CCT4: variants seen among roughly 807,000 people sequenced by gnomAD.
CCT4 encodes the protein T-complex protein 1 subunit delta.
A neutral mutation model predicts 62.5 loss-of-function variants in CCT4; 17 were observed. That is an observed-to-expected ratio of 0.27 (90% confidence interval 0.19 to 0.41). The LOEUF (loss-of-function observed/expected upper bound fraction) is 0.41. Among genes scored for constraint, CCT4 ranks in the 10% least tolerant of loss-of-function variants. The pLI is 1.00. For missense variants in CCT4, 592 were observed against 659.2 expected (o/e 0.90, Z 1.12); for synonymous variants, 250 against 229.9 (o/e 1.09, Z -0.79).
intron 5 of CCT4, among the ~76,000 whole-genome samples, chr2:61,878,403 G>C (rs1207975067): frequency 6.6e-6 from 1 of 152,116 alleles, no homozygotes. Context: ...GCGGTCCTTG[G>C]ATAAGTTACT....
In CCT4 at chr2:61,888,590, C is replaced by T. The variant is rs1572931444; in HGVS notation, c.-83G>A. On this transcript the variant is annotated 5_prime_UTR_variant, in exon 1 of 14. Coordinates refer to ENST00000394440, the MANE Select transcript of CCT4 (RefSeq NM_006430.4). ...CCGGCCGCAGTGTAATAACGGTAAG[C>T]CCTCACTGCCTTCACGAACCTTCCA... 7 of 1,473,562 alleles carry T rather than the reference C, an allele frequency of 4.8e-6. No homozygotes were observed. The East Asian group carries it at 1.2e-4, about 25-fold the overall frequency. 91.3% of individuals were successfully genotyped at this position (1,473,562 alleles called of 1,614,324 possible).
chr2:61,887,987 TAAG>T (rs1165215897), intron 1 of CCT4: 1 of 159,452 alleles, frequency 6.3e-6, no homozygotes, highest in East Asian at 1.7e-4. Flanking sequence ...GTTCTTTAAA[TAAG>T]AATAACAAAG....
rs757272069 is a variant in CCT4, at chr2:61,883,452, C to T, written c.270+7G>A. 6 of 1,189,774 alleles carry T rather than the reference C, an allele frequency of 5.0e-6. No homozygotes were observed. In the South Asian group the frequency reaches 6.6e-5, roughly 13 times the overall value. 73.7% of individuals were successfully genotyped at this position (1,189,774 alleles called of 1,614,324 possible). A position where few individuals can be genotyped will look rare whatever the true frequency, so the allele number is the denominator to read the frequency against. On this transcript the variant is annotated splice_region_variant and intron_variant, in intron 3 of 13. Transcript: ENST00000394440. Reference sequence around the variant, plus strand: ...AAAAAAAAAGACTCACCTAAAATTACACTTACCATTCTGGCTGCTGGATGT... The same window carrying T: ...AAAAAAAAAGACTCACCTAAAATTATACTTACCATTCTGGCTGCTGGATGT...
Position 61,875,101 on chromosome 2 carries a change from C to CA in CCT4, c.917+993dup, listed in dbSNP as rs1177830593. On this transcript the variant is annotated intron_variant, in intron 8 of 13. Transcript: ENST00000394440. ...GGGTTGTGGTGAACCGAGATCGCAC[C>CA]ATTGATTCCAGCCTGGGCAACAAGA... Among the ~76,000 whole-genome samples, 4 of 149,534 alleles carry CA rather than the reference C, an allele frequency of 2.7e-5. No homozygotes were observed. The East Asian group carries it at 7.9e-4, about 30-fold the overall frequency.
chr2:61,876,280 A>C (rs1273204499), intron 7 of CCT4, 46 bp from the exon 8 acceptor site: 6 of 1,460,244 alleles, frequency 4.1e-6, no homozygotes, highest in Non-Finnish European at 4.6e-6. Context: ...AGATATTTTA[A>C]GTTTAAAAGT....
In CCT4 at chr2:61,876,955, G is replaced by A; in HGVS notation, c.742C>T (p.Leu248Phe). 1 of 1,613,772 alleles carries A rather than the reference G, an allele frequency of 6.2e-7. No individual in the cohort carries two copies. The highest frequency in any genetic ancestry group is 8.5e-7 in the Non-Finnish European group (1 of 1,179,842). The change falls in exon 7 of 14, where the codon CTT (leucine) becomes TTT (phenylalanine). Residue 248 changes from leucine to phenylalanine, a missense_variant. Physicochemically the swap from Leu to Phe is conservative, Grantham distance 22. Transcript: ENST00000394440. ...GGAGCAGATAAGCAAAACTGAATAA[G>A]CCCAATCTTGGCCTTTTCAACTCTG... Reference protein sequence around the residue: ...ITRVEKAKIGLIQFCLSAPKT... With the variant: ...ITRVEKAKIGFIQFCLSAPKT...
At chr2:61,877,573 T>A in intron 5 of CCT4, 59 bp from the exon 6 acceptor site, 1 of 1,317,132 alleles carries the variant, frequency 7.6e-7, no homozygotes, top group Admixed American at 2.9e-5. Flanking sequence ...TCCTAATTTT[T>A]CAATGACAAA....
chr2:61,868,802 A>T, intron 13 of CCT4, 96 bp from the exon 14 acceptor site: 1 of 869,986 alleles, frequency 1.1e-6, no homozygotes, highest in Non-Finnish European at 1.9e-6. Context: ...AACCTGTATT[A>T]AGAACTGCTG....
At chr2:61,873,354 G>A in intron 8 of CCT4, 61 bp from the exon 9 acceptor site, 1 of 781,306 alleles carries the variant, frequency 1.3e-6, no homozygotes, top group African/African-American at 1.7e-5. Flanking sequence ...CTCTTCAAAT[G>A]CCTTTAAGGT....
Position 61,880,174 on chromosome 2 carries a change from A to T in CCT4, c.379+112T>A, listed in dbSNP as rs544168701. On this transcript the variant is annotated intron_variant, in intron 4 of 13. Coordinates refer to ENST00000394440, the MANE Select transcript of CCT4 (RefSeq NM_006430.4). ...TTTAAAAATTCTTGGTAAAAAGATTAGTTATTCCAAATTAAATCTTCAATC... is the reference window on the plus strand; with the variant it reads ...TTTAAAAATTCTTGGTAAAAAGATTTGTTATTCCAAATTAAATCTTCAATC... 383 of 511,464 alleles carry T rather than the reference A, an allele frequency of 7.5e-4. 1 individual carries two copies. The highest frequency in any genetic ancestry group is 2.8e-3 in the Middle Eastern group (6 of 2,166). The allele number at this position is 511,464 out of a possible 1,614,324, so 31.7% of individuals were successfully genotyped here. A position where few individuals can be genotyped will look rare whatever the true frequency, so the allele number is the denominator to read the frequency against.
intron 2 of CCT4, among the ~76,000 whole-genome samples, chr2:61,884,374 G>A (rs899958822): frequency 3.3e-5 from 5 of 152,048 alleles, no homozygotes; most frequent in African/African-American, 9.7e-5. Flanking sequence ...CGCGATCTCG[G>A]CTCACTGCAA....
At chr2:61,886,102 A>C (rs1336855489) in intron 1 of CCT4, 2 of 152,354 alleles carry the variant, frequency 1.3e-5, no homozygotes, top group East Asian at 3.9e-4. Context: ...GCTACAGAGC[A>C]AGATACTCTT....
intron 3 of CCT4, among the ~76,000 whole-genome samples, chr2:61,882,029 G>T (rs953644289): frequency 2.6e-5 from 4 of 151,656 alleles, no homozygotes; most frequent in Non-Finnish European, 5.9e-5. Context: ...TGCCTCCCCG[G>T]TTCAAGCAAT....
Position 61,868,611 on chromosome 2 carries a change from C to T in CCT4, c.*81G>A. 2 of 1,095,030 alleles carry T rather than the reference C, an allele frequency of 1.8e-6. No individual in the cohort carries two copies. Among genetic ancestry groups the T allele is most frequent in the Admixed American group, 3.6e-5 (2 of 55,886 alleles). 67.8% of individuals were successfully genotyped at this position (1,095,030 alleles called of 1,614,324 possible). ...CAGAAATTCAGAGGAAATAATCTTC[C>T]AAACAAGGAACACCAAGGTGATCTT... On this transcript the variant is annotated 3_prime_UTR_variant, in exon 14 of 14. Coordinates refer to ENST00000394440, the MANE Select transcript of CCT4 (RefSeq NM_006430.4).
chr2:61,875,299 C>T (rs920707288), intron 8 of CCT4, among the ~76,000 whole-genome samples: 10 of 151,794 alleles, frequency 6.6e-5, no homozygotes, highest in African/African-American at 2.2e-4. Context: ...CTCTTAGAGG[C>T]TGGGTGCGGT....
Position 61,888,621 on chromosome 2 carries a change from C to A in CCT4, c.-114G>T. Reference sequence around the variant, plus strand: ...CTGCCTTCACGAACCTTCCAGAAAGCGGCGCCGGCGTCGGGAGGAGGCGGA... The same window carrying A: ...CTGCCTTCACGAACCTTCCAGAAAGAGGCGCCGGCGTCGGGAGGAGGCGGA... On this transcript the variant is annotated 5_prime_UTR_variant, in exon 1 of 14. Coordinates refer to ENST00000394440, the MANE Select transcript of CCT4 (RefSeq NM_006430.4). 7.7e-7 allele frequency: 1 copy of A among 1,294,818 alleles called. No homozygotes were observed. Among genetic ancestry groups the A allele is most frequent in the Non-Finnish European group, 1.0e-6 (1 of 971,274 alleles). 80.2% of individuals were successfully genotyped at this position (1,294,818 alleles called of 1,614,324 possible).
At chr2:61,877,931 G>C (rs1394543699) in intron 5 of CCT4, among the ~76,000 whole-genome samples, 1 of 152,168 alleles carries the variant, frequency 6.6e-6, no homozygotes, top group African/African-American at 2.4e-5. Context: ...CCAGGCAGTG[G>C]TCTTAGAACT....
In CCT4 at chr2:61,872,601, A is replaced by G; in HGVS notation, c.1126-13T>C. The G allele has an allele frequency of 1.2e-6, 2 of 1,613,186 alleles. No homozygotes were observed. Among genetic ancestry groups the G allele is most frequent in the Non-Finnish European group, 1.7e-6 (2 of 1,179,724 alleles). Reference sequence around the variant, plus strand: ...CACAGCCTGTAATCTTCAGTAAACAAATTCCAAATTAAGTATTTGAAGGGT... The same window carrying G: ...CACAGCCTGTAATCTTCAGTAAACAGATTCCAAATTAAGTATTTGAAGGGT... On this transcript the variant is annotated splice_polypyrimidine_tract_variant and intron_variant, in intron 10 of 13. Coordinates refer to ENST00000394440, the MANE Select transcript of CCT4 (RefSeq NM_006430.4).
At chr2:61,877,772 T>G (rs1669032681) in intron 5 of CCT4, among the ~76,000 whole-genome samples, 1 of 152,174 alleles carries the variant, frequency 6.6e-6, no homozygotes, top group African/African-American at 2.4e-5. Context: ...TATCAAAGTT[T>G]TACAGGAAAT....
Sources: gnomAD v4.1 joint callset for allele counts (sites outside exome capture counted in the v4.1 genomes callset) on GRCh38, gnomAD v4.1.1 for gene constraint, MANE v1.5 for transcripts, NCBI Gene and HGNC (gene_info 2026-07-23, HGNC 2026-07-21) for gene names.